The following BTLA variants were observed in gnomAD, a reference collection of about 807,000 sequenced individuals.
BTLA encodes B and T lymphocyte associated.
Under a neutral mutation model 25.0 loss-of-function variants are expected in BTLA, and 11 were observed. The observed-to-expected ratio is 0.44, with a 90% confidence interval of 0.28 to 0.73. The LOEUF is 0.73. Ranked by LOEUF, BTLA falls within the 30% of genes least tolerant of loss-of-function variation. The pLI is 0.15. For synonymous variants in BTLA, 104 were observed against 119.8 expected (o/e 0.87, Z 0.86); for missense variants, 282 against 332.8 (o/e 0.85, Z 1.19).
intron 1 of BTLA, among the ~76,000 whole-genome samples, chr3:112,490,192 T>C (rs1306333270): frequency 6.6e-6 from 1 of 152,190 alleles, no homozygotes; most frequent in African/African-American, 2.4e-5. Flanking sequence ...ATTTAATGTA[T>C]TATGTAATGT....
intron 3 of BTLA, 62 bp downstream of exon 3, chr3:112,471,150 C>A: frequency 6.6e-7 from 1 of 1,523,624 alleles, no homozygotes; most frequent in Non-Finnish European, 8.9e-7. Flanking sequence ...AATCCTTTAG[C>A]CCCAGAAATA....
At chr3:112,470,740 G>A (rs1234186023) in intron 3 of BTLA, among the ~76,000 whole-genome samples, 1 of 152,152 alleles carries the variant, frequency 6.6e-6, no homozygotes, top group Non-Finnish European at 1.5e-5. Flanking sequence ...AGAAAATACA[G>A]ACATATTAAT....
At chr3:112,472,077 A>T (rs930373273) in intron 2 of BTLA, among the ~76,000 whole-genome samples, 1 of 152,174 alleles carries the variant, frequency 6.6e-6, no homozygotes, top group African/African-American at 2.4e-5. Flanking sequence ...AGTGGTTCTC[A>T]AGCAGGGAAC....
At chr3:112,472,233 C>CAGACCA (rs2107312468) in intron 2 of BTLA, among the ~76,000 whole-genome samples, 1 of 152,240 alleles carries the variant, frequency 6.6e-6, no homozygotes, top group African/African-American at 2.4e-5. Flanking sequence ...AAACATTATC[C>CAGACCA]AGACCAAAGT....
At chr3:112,479,098 C>A (rs1463474579) in intron 2 of BTLA, among the ~76,000 whole-genome samples, 1 of 150,468 alleles carries the variant, frequency 6.6e-6, no homozygotes, top group African/African-American at 2.4e-5. Flanking sequence ...AAAAAAAAAA[C>A]AACAAAGAAG....
chr3:112,467,703 CA>C (rs1559822620), intron 4 of BTLA, among the ~76,000 whole-genome samples: 1 of 152,084 alleles, frequency 6.6e-6, no homozygotes, highest in East Asian at 1.9e-4. Flanking sequence ...GGTGGCTGCC[CA>C]AAAATAACAG....
At position 112,464,896 on chromosome 3, in the gene BTLA, A is replaced by T. The variant is rs1187160136; in HGVS notation, c.*1212T>A. Reference sequence around the variant, plus strand: ...AAATGGATTTTAACCTTTGCTATCCACTTTGTATGAAGACTATTACATTAT... The same window carrying T: ...AAATGGATTTTAACCTTTGCTATCCTCTTTGTATGAAGACTATTACATTAT... On this transcript the variant is annotated 3_prime_UTR_variant, in exon 5 of 5. Coordinates refer to ENST00000334529, the MANE Select transcript of BTLA (RefSeq NM_181780.4). The T allele has an allele frequency of 1.3e-5, 2 of 152,056 alleles. No homozygotes were observed. The allele number at this position is 152,056 out of a possible 1,614,324, so 9.4% of individuals were successfully genotyped here.
chr3:112,474,261 G>C (rs1190719032), intron 2 of BTLA, among the ~76,000 whole-genome samples: 5 of 152,074 alleles, frequency 3.3e-5, no homozygotes, highest in Non-Finnish European at 5.9e-5. Flanking sequence ...ATTTCTTTAT[G>C]AAAAGCATGG....
chr3:112,467,246 C>T (rs898882249), intron 4 of BTLA, among the ~76,000 whole-genome samples: 9 of 152,260 alleles, frequency 5.9e-5, no homozygotes, highest in African/African-American at 1.7e-4. Flanking sequence ...AGACGTGAGC[C>T]ACCACTCCCG....
intron 1 of BTLA, among the ~76,000 whole-genome samples, chr3:112,488,377 C>T (rs1016896035): frequency 5.3e-5 from 8 of 151,868 alleles, no homozygotes; most frequent in Admixed American, 2.0e-4. Context: ...TGCCCACCAC[C>T]ACGCCCGGCT....
At chr3:112,470,984 G>C (rs1208104145) in intron 3 of BTLA, among the ~76,000 whole-genome samples, 1 of 152,208 alleles carries the variant, frequency 6.6e-6, no homozygotes, top group African/African-American at 2.4e-5. Flanking sequence ...CACAACTCTA[G>C]CTGGAATACT....
At chr3:112,466,652 C>T (rs1390483398) in intron 4 of BTLA, among the ~76,000 whole-genome samples, 2 of 151,230 alleles carry the variant, frequency 1.3e-5, no homozygotes, top group African/African-American at 4.9e-5. Flanking sequence ...ATTTTTTAAT[C>T]CCCCTTCAAG....
chr3:112,475,310 G>A (rs1403528985), intron 2 of BTLA, among the ~76,000 whole-genome samples: 1 of 152,140 alleles, frequency 6.6e-6, no homozygotes, highest in Non-Finnish European at 1.5e-5. Context: ...AAAAGAAACT[G>A]ACAAGGCCCT....
chr3:112,495,574 G>GTCCTGTAA (rs1260037080), intron 1 of BTLA, among the ~76,000 whole-genome samples: 1 of 152,216 alleles, frequency 6.6e-6, no homozygotes, highest in Non-Finnish European at 1.5e-5. Context: ...AATTCAAGAA[G>GTCCTGTAA]TCCTGTAACC....
chr3:112,493,658 C>A (rs7613232), intron 1 of BTLA, among the ~76,000 whole-genome samples: 108 of 152,308 alleles, frequency 7.1e-4, no homozygotes, highest in African/African-American at 2.5e-3. Context: ...TGTCCCACCA[C>A]GCCCAGCTAA....
intron 1 of BTLA, among the ~76,000 whole-genome samples, chr3:112,486,922 A>C (rs1321372199): frequency 1.3e-5 from 2 of 152,114 alleles, no homozygotes; most frequent in Non-Finnish European, 2.9e-5. Flanking sequence ...CTGTGGTATT[A>C]TTGTTTATTT....
At position 112,465,974 on chromosome 3, in the gene BTLA, C is replaced by T; in HGVS notation, c.*134G>A. 9.8e-7 allele frequency: 1 copy of T among 1,021,130 alleles called. No homozygotes were observed. Among genetic ancestry groups the T allele is most frequent in the Non-Finnish European group, 1.4e-6 (1 of 713,970 alleles). The allele number at this position is 1,021,130 out of a possible 1,614,324, so 63.3% of individuals were successfully genotyped here. A position where few individuals can be genotyped will look rare whatever the true frequency, so the allele number is the denominator to read the frequency against. ...TCATTTATCCTATGGACCCTTAAGA[C>T]CCAAGCACTAACATGAACATTTCTA... On this transcript the variant is annotated 3_prime_UTR_variant, in exon 5 of 5. Transcript: ENST00000334529.
At chr3:112,478,005 CT>C (rs34696377) in intron 2 of BTLA, among the ~76,000 whole-genome samples, 110,474 of 144,132 alleles carry the variant, frequency 0.77, 46,791 homozygotes, top group Non-Finnish European at 0.95. Context: ...CAATACTATT[CT>C]TTTTTTTTTT....
chr3:112,469,629 A>ATAC (rs1553730206), intron 4 of BTLA, 129 bp downstream of exon 4: 14 of 127,984 alleles, frequency 1.1e-4, no homozygotes, highest in South Asian at 1.1e-3. Context: ...ATATATATAT[A>ATAC]TATATATATA....
Sources: gnomAD v4.1 joint callset for allele counts (sites outside exome capture counted in the v4.1 genomes callset) on GRCh38, gnomAD v4.1.1 for gene constraint, MANE v1.5 for transcripts, NCBI Gene and HGNC (gene_info 2026-07-23, HGNC 2026-07-21) for gene names.